NSMCE2: variants seen among roughly 807,000 people sequenced by gnomAD.
The protein encoded by NSMCE2 is NSE2 SUMO ligase component of SMC5/6 complex.
Under a neutral mutation model 23.8 loss-of-function variants are expected in NSMCE2, and 24 were observed. The ratio of observed to expected loss-of-function variants is 1.01; its 90% CI spans 0.73 to 1.42. The LOEUF is 1.42. Ranked by LOEUF, NSMCE2 falls within the 40% of genes most tolerant of loss-of-function variation. The pLI, the probability that NSMCE2 is intolerant of heterozygous loss-of-function variation, is 0.00. For synonymous variants in NSMCE2, 92 were observed against 94.1 expected, an observed-to-expected ratio of 0.98 and a Z score of 0.13; for missense variants, 284 against 296.5, an observed-to-expected ratio of 0.96 and a Z score of 0.31.
At chr8:125,098,207 A>G (rs1007610163) in intron 1 of NSMCE2, among the ~76,000 whole-genome samples, 1 of 152,198 alleles carries the variant, frequency 6.6e-6, no homozygotes, top group South Asian at 2.1e-4. Context: ...GGCCCATCAG[A>G]TGATTCAATA....
At chr8:125,218,673 A>C (rs1824713548) in intron 5 of NSMCE2, among the ~76,000 whole-genome samples, 1 of 152,112 alleles carries the variant, frequency 6.6e-6, no homozygotes, top group East Asian at 1.9e-4. Context: ...CAGCCTTCCA[A>C]AGTGCTAGGA....
chr8:125,200,225 G>A (rs1249548787), intron 5 of NSMCE2, among the ~76,000 whole-genome samples: 1 of 152,194 alleles, frequency 6.6e-6, no homozygotes, highest in African/African-American at 2.4e-5. Flanking sequence ...TATGATGTTA[G>A]CTGGTTATTT....
At chr8:125,301,884 G>GA (rs1237370451) in intron 5 of NSMCE2, among the ~76,000 whole-genome samples, 6 of 152,018 alleles carry the variant, frequency 3.9e-5, no homozygotes, top group Non-Finnish European at 8.8e-5. Context: ...GACTGGTCTC[G>GA]AACTCCTGAC....
chr8:125,125,065 G>A (rs1370609331), intron 3 of NSMCE2, among the ~76,000 whole-genome samples: 1 of 152,072 alleles, frequency 6.6e-6, no homozygotes, highest in African/African-American at 2.4e-5. Flanking sequence ...AAAGTGCTGG[G>A]ACTACGGGTG....
At chr8:125,301,560 G>A (rs1225189974) in intron 5 of NSMCE2, among the ~76,000 whole-genome samples, 1 of 151,944 alleles carries the variant, frequency 6.6e-6, no homozygotes, top group Non-Finnish European at 1.5e-5. Flanking sequence ...CAGCGTCCCA[G>A]TTCCTTCAGA....
chr8:125,152,565 A>G (rs1382299012), intron 4 of NSMCE2, among the ~76,000 whole-genome samples: 3 of 152,202 alleles, frequency 2.0e-5, no homozygotes, highest in South Asian at 2.1e-4. Context: ...ACATGGATCA[A>G]TCTTGCTTTG....
intron 4 of NSMCE2, among the ~76,000 whole-genome samples, chr8:125,167,118 A>G (rs573766190): frequency 6.6e-6 from 1 of 152,234 alleles, no homozygotes; most frequent in East Asian, 1.9e-4. Flanking sequence ...TTTCACTTTC[A>G]CTGTGCCTTT....
chr8:125,339,125 A>T (rs545955564), intron 5 of NSMCE2, among the ~76,000 whole-genome samples: 8 of 152,312 alleles, frequency 5.3e-5, no homozygotes, highest in African/African-American at 1.9e-4. Context: ...AGGAAGGGAC[A>T]CTGCTCTGCA....
chr8:125,302,066 G>A (rs114796959), intron 5 of NSMCE2, among the ~76,000 whole-genome samples: 1 of 151,776 alleles, frequency 6.6e-6, no homozygotes, highest in African/African-American at 2.4e-5. Flanking sequence ...TCATGTGATT[G>A]TCATGCCTCA....
At chr8:125,343,183 G>A (rs1830309130) in intron 5 of NSMCE2, among the ~76,000 whole-genome samples, 1 of 152,098 alleles carries the variant, frequency 6.6e-6, no homozygotes. Flanking sequence ...GGGGTCAGTG[G>A]GTGAGGGGAC....
chr8:125,215,460 G>C lies in NSMCE2; in HGVS notation c.418+33204G>C, dbSNP rs529454256. On this transcript the variant is annotated intron_variant, in intron 5 of 7. Coordinates refer to ENST00000287437, the MANE Select transcript of NSMCE2 (RefSeq NM_173685.4). ...CTATCATTGTTGGACATTTGGGTTG[G>C]TTCCAAGTCTTTGCTATTGTGAATA... Among the ~76,000 whole-genome samples, 20 of 151,930 alleles carry C rather than the reference G, an allele frequency of 1.3e-4. 1 individual carries two copies. The South Asian group carries it at 3.4e-3, about 25-fold the overall frequency.
intron 4 of NSMCE2, among the ~76,000 whole-genome samples, chr8:125,180,482 A>C (rs769606899): frequency 7.2e-5 from 11 of 152,348 alleles, no homozygotes; most frequent in Non-Finnish European, 1.3e-4. Flanking sequence ...ATTAAGCAAA[A>C]GAAGATTATG....
intron 5 of NSMCE2, among the ~76,000 whole-genome samples, chr8:125,313,034 AC>A (rs1829029504): frequency 6.6e-6 from 1 of 151,674 alleles, no homozygotes; most frequent in African/African-American, 2.4e-5. Flanking sequence ...GCAGCAAACC[AC>A]CATGGCACAT....
intron 5 of NSMCE2, among the ~76,000 whole-genome samples, chr8:125,299,388 T>C (rs1400161181): frequency 6.6e-6 from 1 of 152,100 alleles, no homozygotes. Flanking sequence ...TCAGGAAACT[T>C]AAAATCATAG....
chr8:125,272,168 CAT>C (rs1827228507), intron 5 of NSMCE2, among the ~76,000 whole-genome samples: 1 of 151,852 alleles, frequency 6.6e-6, no homozygotes, highest in Admixed American at 6.6e-5. Flanking sequence ...CGCCCACCAT[CAT>C]GCCTGTCGAA....
chr8:125,287,905 G>A (rs1827961893), intron 5 of NSMCE2, among the ~76,000 whole-genome samples: 2 of 152,118 alleles, frequency 1.3e-5, no homozygotes, highest in East Asian at 1.9e-4. Context: ...TTGACTACTC[G>A]ACGCTCCCAG....
intron 7 of NSMCE2, among the ~76,000 whole-genome samples, chr8:125,360,495 A>G (rs1345465625): frequency 6.6e-6 from 1 of 152,146 alleles, no homozygotes; most frequent in Non-Finnish European, 1.5e-5. Flanking sequence ...GCCAACCCTC[A>G]AAAAACACTT....
At chr8:125,222,518 A>G (rs555436053) in intron 5 of NSMCE2, among the ~76,000 whole-genome samples, 30 of 152,078 alleles carry the variant, frequency 2.0e-4, no homozygotes, top group African/African-American at 7.2e-4. Flanking sequence ...CATTTTCCCA[A>G]CCCCTTCCCC....
chr8:125,171,891 C>T (rs1278451933), intron 4 of NSMCE2, among the ~76,000 whole-genome samples: 1 of 152,206 alleles, frequency 6.6e-6, no homozygotes. Flanking sequence ...GTGGTAGTCA[C>T]TAGCCACATG....
Sources: allele counts gnomAD v4.1 joint callset (sites outside exome capture counted in the v4.1 genomes callset), GRCh38; gene constraint gnomAD v4.1.1; transcripts MANE v1.5; gene names NCBI Gene and HGNC (gene_info 2026-07-23, HGNC 2026-07-21).